GRIK2: variants seen among roughly 807,000 people sequenced by gnomAD.
GRIK2 encodes the protein glutamate receptor ionotropic, kainate 2.
Under a neutral mutation model 100.3 loss-of-function variants are expected in GRIK2, and 32 were observed. That is an observed-to-expected ratio of 0.32 (90% CI 0.24 to 0.43). The LOEUF is 0.43. Among genes scored for constraint, GRIK2 ranks in the 20% least tolerant of loss-of-function variants. GRIK2 has a pLI of 1.00. For missense variants in GRIK2, 843 were observed against 1,114.9 expected, an observed-to-expected ratio of 0.76 and a Z score of 3.47; for synonymous variants, 417 against 389.4, an observed-to-expected ratio of 1.07 and a Z score of -0.83.
intron 7 of GRIK2, among the ~76,000 whole-genome samples, chr6:101,736,637 G>A (rs1471661303): frequency 6.6e-6 from 1 of 152,122 alleles, no homozygotes; most frequent in Non-Finnish European, 1.5e-5. Context: ...ACACAGCATG[G>A]GGACCCTGGG....
Position 101,638,191 on chromosome 6 carries a change from ATTAC to A in GRIK2, c.541+11557_541+11560del, listed in dbSNP as rs375506516. On this transcript the variant is annotated intron_variant, in intron 4 of 16. Coordinates refer to ENST00000369134, the MANE Select transcript of GRIK2 (RefSeq NM_021956.5). ...ATTTACTGATTTGTTTGTTTGTTTT[ATTAC>A]TTTATTTACTCCACAAGTAATTATC... 6.2e-3 allele frequency among the ~76,000 whole-genome samples: 924 copies of A among 150,070 alleles called. 6 individuals carry two copies. The highest frequency in any genetic ancestry group is 0.024 in the Middle Eastern group (7 of 294).
chr6:101,961,639 A>G (rs1252445952), intron 14 of GRIK2, among the ~76,000 whole-genome samples: 1 of 152,084 alleles, frequency 6.6e-6, no homozygotes, highest in Non-Finnish European at 1.5e-5. Flanking sequence ...AGTAATCTTC[A>G]GCTCACAAGT....
At chr6:101,523,484 G>T (rs578157603) in intron 2 of GRIK2, among the ~76,000 whole-genome samples, 4 of 152,236 alleles carry the variant, frequency 2.6e-5, no homozygotes, top group Non-Finnish European at 5.9e-5. Context: ...ATCATGAACT[G>T]TATCTTAAAG....
chr6:101,797,780 T>G (rs149333257), intron 7 of GRIK2, among the ~76,000 whole-genome samples: 1,738 of 147,046 alleles, frequency 0.012, 27 homozygotes, highest in African/African-American at 0.04. Context: ...ATATTATATA[T>G]TACATACTAT....
At chr6:101,531,030 T>C (rs1208981621) in intron 2 of GRIK2, among the ~76,000 whole-genome samples, 1 of 152,040 alleles carries the variant, frequency 6.6e-6, no homozygotes, top group African/African-American at 2.4e-5. Flanking sequence ...TTTATTCCTC[T>C]TATTTCATTG....
chr6:101,416,781 A>G (rs768902074), intron 2 of GRIK2, among the ~76,000 whole-genome samples: 1 of 152,200 alleles, frequency 6.6e-6, no homozygotes, highest in Non-Finnish European at 1.5e-5. Flanking sequence ...TAGTAAAATG[A>G]TATAAAAATG....
At chr6:101,398,919 A>G (rs1476272921) in intron 1 of GRIK2, 66 bp from the exon 2 acceptor site, 2 of 426,136 alleles carry the variant, frequency 4.7e-6, no homozygotes, top group Non-Finnish European at 8.2e-6. Context: ...GTGGCTCGCT[A>G]TCGACATCTC....
intron 11 of GRIK2, among the ~76,000 whole-genome samples, chr6:101,859,961 T>G (rs73514657): frequency 0.081 from 12,298 of 152,198 alleles, 1,310 homozygotes; most frequent in African/African-American, 0.25. Context: ...AGGCCTTTTT[T>G]TAGAATTTAG....
chr6:101,627,208 C>T (rs569950660), intron 4 of GRIK2, among the ~76,000 whole-genome samples: 5 of 152,010 alleles, frequency 3.3e-5, no homozygotes, highest in Non-Finnish European at 7.4e-5. Context: ...AGGGTGCAAT[C>T]TCAGCTTACT....
intron 14 of GRIK2, among the ~76,000 whole-genome samples, chr6:102,008,740 G>A (rs1441522411): frequency 6.6e-6 from 1 of 152,058 alleles, no homozygotes; most frequent in East Asian, 1.9e-4. Flanking sequence ...AACTCCTAGT[G>A]AATCATAGTG....
intron 7 of GRIK2, among the ~76,000 whole-genome samples, chr6:101,750,160 A>G (rs891060871): frequency 2.0e-5 from 3 of 152,070 alleles, no homozygotes; most frequent in African/African-American, 7.2e-5. Flanking sequence ...AAGTTGCCTC[A>G]TGTAGCCTTC....
intron 7 of GRIK2, among the ~76,000 whole-genome samples, chr6:101,766,951 G>A (rs1778079474): frequency 6.6e-6 from 1 of 152,130 alleles, no homozygotes; most frequent in Non-Finnish European, 1.5e-5. Context: ...TGTCCAAAGG[G>A]ATTGTCTTTA....
Position 101,811,574 on chromosome 6 carries a change from G to A in GRIK2, c.1204-6796G>A, listed in dbSNP as rs143943247. ...AATATTTTTAAAACTAACTGGGAAT[G>A]TTTATTTTGTTCCTACTTGAAAAAT... On this transcript the variant is annotated intron_variant, in intron 9 of 16. Coordinates refer to ENST00000369134, the MANE Select transcript of GRIK2 (RefSeq NM_021956.5). Among the ~76,000 whole-genome samples, 105 of 151,916 alleles carry A rather than the reference G, an allele frequency of 6.9e-4. 1 individual carries two copies. In the East Asian group the frequency reaches 0.019, roughly 28 times the overall value.
chr6:101,991,835 T>C (rs1169300000), intron 14 of GRIK2, among the ~76,000 whole-genome samples: 2 of 151,596 alleles, frequency 1.3e-5, no homozygotes, highest in African/African-American at 4.8e-5. Context: ...CTCTTGCTTC[T>C]TTAGCAACCA....
At chr6:101,809,438 C>G (rs774984199) in intron 9 of GRIK2, among the ~76,000 whole-genome samples, 1 of 151,830 alleles carries the variant, frequency 6.6e-6, no homozygotes, top group Non-Finnish European at 1.5e-5. Flanking sequence ...GAAAAAGGTG[C>G]CTGAATGGAA....
intron 2 of GRIK2, among the ~76,000 whole-genome samples, chr6:101,484,374 C>T (rs1358069699): frequency 1.3e-5 from 2 of 152,092 alleles, no homozygotes; most frequent in African/African-American, 4.8e-5. Flanking sequence ...CCTACTACAG[C>T]CTGAATATTA....
intron 2 of GRIK2, among the ~76,000 whole-genome samples, chr6:101,490,273 A>T (rs925587477): frequency 6.8e-6 from 1 of 146,990 alleles, no homozygotes; most frequent in Non-Finnish European, 1.5e-5. Context: ...ACAGGGTCCT[A>T]TAAGTGGGAA....
At chr6:101,811,871 A>C (rs1022162675) in intron 9 of GRIK2, among the ~76,000 whole-genome samples, 31 of 151,784 alleles carry the variant, frequency 2.0e-4, no homozygotes, top group Non-Finnish European at 7.4e-5. Context: ...ACTAATTAAT[A>C]AGATAAATAA....
chr6:101,747,690 A>G (rs888466375), intron 7 of GRIK2, among the ~76,000 whole-genome samples: 8 of 152,252 alleles, frequency 5.3e-5, no homozygotes, highest in South Asian at 2.1e-4. Context: ...AACATTATAG[A>G]CAATATTGGT....
Sources: allele counts gnomAD v4.1 joint callset (sites outside exome capture counted in the v4.1 genomes callset), GRCh38; gene constraint gnomAD v4.1.1; transcripts MANE v1.5; gene names NCBI Gene and HGNC (gene_info 2026-07-23, HGNC 2026-07-21).